The following AGFG1 variants were observed in gnomAD, a reference collection of about 807,000 sequenced individuals.
AGFG1 encodes the protein arf-GAP domain and FG repeat-containing protein 1.
In AGFG1, 10 loss-of-function variants were observed where a neutral mutation model predicts 60.6. The observed-to-expected ratio is 0.16, with a 90% confidence interval of 0.10 to 0.28. The LOEUF (loss-of-function observed/expected upper bound fraction) is 0.28. Ranked by LOEUF, AGFG1 falls within the 10% of genes least tolerant of loss-of-function variation. The pLI, the probability that AGFG1 is intolerant of heterozygous loss-of-function variation, is 1.00. For missense variants in AGFG1, 537 were observed against 676.5 expected (o/e 0.79, Z 2.29); for synonymous variants, 247 against 242.9 (o/e 1.02, Z -0.16).
At chr2:227,498,285 T>C (rs1031719784) in intron 2 of AGFG1, among the ~76,000 whole-genome samples, 1 of 152,072 alleles carries the variant, frequency 6.6e-6, no homozygotes, top group Admixed American at 6.6e-5. Flanking sequence ...GAATTTAGGG[T>C]GGAGATAAAT....
intron 6 of AGFG1, 121 bp from the exon 7 acceptor site, chr2:227,533,427 TG>T: frequency 1.1e-6 from 1 of 878,224 alleles, no homozygotes; most frequent in Non-Finnish European, 1.7e-6. Flanking sequence ...TGCCAGTCAT[TG>T]ATTTTAATGT....
chr2:227,536,755 A>G (rs770997976), intron 9 of AGFG1, 51 bp downstream of exon 9: 7 of 1,588,138 alleles, frequency 4.4e-6, no homozygotes, highest in East Asian at 2.2e-5. Flanking sequence ...CCAAATATAT[A>G]TTGTGTAGCA....
intron 1 of AGFG1, among the ~76,000 whole-genome samples, chr2:227,487,332 C>T (rs1575066042): frequency 1.3e-5 from 2 of 150,548 alleles, no homozygotes; most frequent in African/African-American, 2.4e-5. Context: ...AAAATTCATT[C>T]GATCTCGTCA....
chr2:227,485,437 G>A (rs2106161707), intron 1 of AGFG1, among the ~76,000 whole-genome samples: 1 of 147,686 alleles, frequency 6.8e-6, no homozygotes, highest in Non-Finnish European at 1.5e-5. Flanking sequence ...TAGAGATGGG[G>A]TTTCACCAGG....
At chr2:227,547,650 C>CT (rs1177219282) in intron 10 of AGFG1, among the ~76,000 whole-genome samples, 3 of 152,092 alleles carry the variant, frequency 2.0e-5, no homozygotes, top group African/African-American at 7.2e-5. Flanking sequence ...AGACATTTCT[C>CT]TAAGAAGGTA....
At chr2:227,547,699 T>C (rs962413114) in intron 10 of AGFG1, among the ~76,000 whole-genome samples, 7 of 152,258 alleles carry the variant, frequency 4.6e-5, no homozygotes, top group Middle Eastern at 3.4e-3. Context: ...TGATGAACAA[T>C]GTAAGGAGGT....
chr2:227,541,086 G>A (rs1692479137), intron 10 of AGFG1, among the ~76,000 whole-genome samples: 1 of 152,078 alleles, frequency 6.6e-6, no homozygotes, highest in Non-Finnish European at 1.5e-5. Flanking sequence ...TGTAGATTCT[G>A]GATATTAGCC....
intron 3 of AGFG1, 137 bp from the exon 4 acceptor site, chr2:227,523,626 A>G (rs940925786): frequency 1.1e-5 from 9 of 786,132 alleles, no homozygotes; most frequent in Non-Finnish European, 1.8e-5. Context: ...AAATATGCAA[A>G]GTTATTCTGT....
rs1345278025 is a variant in AGFG1, at chr2:227,533,503, T to C, written c.815-46T>C. Reference sequence around the variant, plus strand: ...GATCATACAGTCTATGAGAGGGTACTAGGAAAAGCTTAGAAATTTCAAGTG... The same window carrying C: ...GATCATACAGTCTATGAGAGGGTACCAGGAAAAGCTTAGAAATTTCAAGTG... On this transcript the variant is annotated intron_variant, in intron 6 of 12. Transcript: ENST00000310078. The C allele has an allele frequency of 6.6e-6, 10 of 1,520,238 alleles. No homozygotes were observed. In the South Asian group the frequency reaches 9.0e-5, roughly 14 times the overall value. 94.2% of individuals were successfully genotyped at this position (1,520,238 alleles called of 1,614,324 possible).
At chr2:227,501,190 C>T (rs555807956) in intron 2 of AGFG1, among the ~76,000 whole-genome samples, 3 of 152,284 alleles carry the variant, frequency 2.0e-5, no homozygotes, top group East Asian at 3.9e-4. Context: ...AAGAGATTCT[C>T]CTGCTTCAGC....
chr2:227,496,298 A>G (rs1463083019), intron 2 of AGFG1, among the ~76,000 whole-genome samples: 1 of 152,062 alleles, frequency 6.6e-6, no homozygotes, highest in Non-Finnish European at 1.5e-5. Flanking sequence ...GTTAACATTC[A>G]TGATTGATTC....
At chr2:227,502,157 C>G (rs1363444330) in intron 2 of AGFG1, among the ~76,000 whole-genome samples, 1 of 152,128 alleles carries the variant, frequency 6.6e-6, no homozygotes, top group African/African-American at 2.4e-5. Context: ...AGTGCCCAAC[C>G]AAAGTAAACC....
At chr2:227,512,253 A>G (rs1440168152) in intron 2 of AGFG1, among the ~76,000 whole-genome samples, 1 of 152,228 alleles carries the variant, frequency 6.6e-6, no homozygotes, top group Non-Finnish European at 1.5e-5. Context: ...TTATAAAACC[A>G]AATGTTAAGA....
chr2:227,512,893 A>G (rs1356240174), intron 2 of AGFG1, among the ~76,000 whole-genome samples: 2 of 152,346 alleles, frequency 1.3e-5, no homozygotes, highest in Admixed American at 1.3e-4. Flanking sequence ...AAAGTATGAA[A>G]TCTAGTTGGA....
chr2:227,475,134 C>T (rs1690242309), intron 1 of AGFG1, among the ~76,000 whole-genome samples: 1 of 152,118 alleles, frequency 6.6e-6, no homozygotes, highest in Non-Finnish European at 1.5e-5. Context: ...TAACTCAAAA[C>T]CGGAATCTAA....
intron 2 of AGFG1, among the ~76,000 whole-genome samples, chr2:227,512,050 A>T (rs1409135025): frequency 6.6e-6 from 1 of 152,156 alleles, no homozygotes; most frequent in East Asian, 1.9e-4. Flanking sequence ...TGCTTAAATA[A>T]ATTACTTTTA....
At chr2:227,538,641 A>G (rs116713768) in intron 10 of AGFG1, among the ~76,000 whole-genome samples, 155 of 152,300 alleles carry the variant, frequency 1.0e-3, no homozygotes, top group African/African-American at 3.4e-3. Flanking sequence ...GATGATGCAC[A>G]TTTACCCTGT....
At chr2:227,543,866 T>G (rs936303555) in intron 10 of AGFG1, among the ~76,000 whole-genome samples, 2 of 152,158 alleles carry the variant, frequency 1.3e-5, no homozygotes, top group African/African-American at 4.8e-5. Flanking sequence ...ATATTTAGGA[T>G]AGTTAGCTCT....
rs373177645 is a variant in AGFG1, at chr2:227,507,868, A to G, written c.262-12080A>G. 2.0e-4 allele frequency among the ~76,000 whole-genome samples: 30 copies of G among 152,122 alleles called. No homozygotes were observed. In the East Asian group the frequency reaches 2.9e-3, roughly 15 times the overall value. ...AAATTACTATGAATTTATTTATTTG[A>G]TATGTTTCACTCAGTTATTCTTGCT... is the stretch of plus-strand genomic sequence containing the variant. On this transcript the variant is annotated intron_variant, in intron 2 of 12. Coordinates refer to ENST00000310078, the MANE Select transcript of AGFG1 (RefSeq NM_004504.5).
Sources: allele counts gnomAD v4.1 joint callset (sites outside exome capture counted in the v4.1 genomes callset), GRCh38; gene constraint gnomAD v4.1.1; transcripts MANE v1.5; gene names NCBI Gene and HGNC (gene_info 2026-07-23, HGNC 2026-07-21).